DLG2: variants seen among roughly 807,000 people sequenced by gnomAD.
DLG2 encodes discs large MAGUK scaffold protein 2.
In DLG2, 45 loss-of-function variants were observed where a neutral mutation model predicts 132.5. That is an observed-to-expected ratio of 0.34 (90% CI 0.27 to 0.44). DLG2 has a LOEUF of 0.44. Ranked by LOEUF, DLG2 falls within the 20% of genes least tolerant of loss-of-function variation. The pLI, the probability that DLG2 is intolerant of heterozygous loss-of-function variation, is 1.00. For missense variants in DLG2, 1,045 were observed against 1,196.9 expected (o/e 0.87, Z 1.87); for synonymous variants, 424 against 419.6 (o/e 1.01, Z -0.13).
chr11:83,721,046 A>C (rs1482095680), intron 18 of DLG2: 1 of 152,188 alleles, frequency 6.6e-6, no homozygotes, highest in Non-Finnish European at 1.5e-5. Flanking sequence ...GGCCTTTAGC[A>C]TGTGAAACAT....
Position 84,822,167 on chromosome 11 carries a change from T to C in DLG2, c.358-287436A>G, listed in dbSNP as rs185180415. Among the ~76,000 whole-genome samples the C allele has an allele frequency of 1.9e-3, 294 of 151,972 alleles. 1 individual carries two copies. Among genetic ancestry groups the C allele is most frequent in the Middle Eastern group, 6.8e-3 (2 of 294 alleles). On this transcript the variant is annotated intron_variant, in intron 6 of 27. Transcript: ENST00000376104. Reference sequence around the variant, plus strand: ...TTTACCTCTGCACAAGAGCCACATCTAGTCTCTTTGAATGTCCAAAACACT... The same window carrying C: ...TTTACCTCTGCACAAGAGCCACATCCAGTCTCTTTGAATGTCCAAAACACT...
intron 15 of DLG2, among the ~76,000 whole-genome samples, chr11:83,888,766 CA>C (rs1246356365): frequency 6.6e-6 from 1 of 152,116 alleles, no homozygotes; most frequent in Non-Finnish European, 1.5e-5. Context: ...AGATATAGAT[CA>C]ATGGAACAGA....
At chr11:85,079,245 G>T (rs978537668) in intron 6 of DLG2, among the ~76,000 whole-genome samples, 2 of 152,194 alleles carry the variant, frequency 1.3e-5, no homozygotes, top group Non-Finnish European at 2.9e-5. Flanking sequence ...GGAGAACAAG[G>T]TTTTCATTAT....
intron 5 of DLG2, among the ~76,000 whole-genome samples, chr11:85,152,244 ATT>A (rs200542714): frequency 2.1e-5 from 3 of 145,872 alleles, no homozygotes; most frequent in African/African-American, 5.0e-5. Flanking sequence ...TTATTTATTA[ATT>A]TTTTTTTTTT....
rs928877718 is a variant in DLG2, at chr11:85,177,287, ACAC to A, written c.187-22639_187-22637del. 1.6e-4 allele frequency among the ~76,000 whole-genome samples: 17 copies of A among 106,124 alleles called. 1 individual carries two copies. Among genetic ancestry groups the A allele is most frequent in the African/African-American group, 6.9e-4 (16 of 23,354 alleles). The allele number at this position is 106,124 out of a possible 152,430, so 69.6% of individuals were successfully genotyped here. A position where few individuals can be genotyped will look rare whatever the true frequency, so the allele number is the denominator to read the frequency against. ...TTTATATATATATATATATACATATACACACACACACACACACACACATACATA... is the reference window on the plus strand; with the variant it reads ...TTTATATATATATATATATACATATAACACACACACACACACACATACATA... On this transcript the variant is annotated intron_variant, in intron 4 of 27. Transcript: ENST00000376104.
chr11:83,795,947 A>G (rs939328750), intron 17 of DLG2, among the ~76,000 whole-genome samples: 5 of 152,288 alleles, frequency 3.3e-5, no homozygotes, highest in Middle Eastern at 3.4e-3. Flanking sequence ...GCTATTTTCC[A>G]TATCTAGAAC....
At chr11:83,633,959 A>G (rs1207527730) in intron 18 of DLG2, among the ~76,000 whole-genome samples, 2 of 138,282 alleles carry the variant, frequency 1.4e-5, no homozygotes, top group Non-Finnish European at 2.9e-5. Flanking sequence ...AAAGCAAAAA[A>G]CAAAAAACAA....
chr11:85,190,386 G>C (rs184680463), intron 4 of DLG2, among the ~76,000 whole-genome samples: 6 of 151,998 alleles, frequency 3.9e-5, no homozygotes, highest in Admixed American at 2.6e-4. Context: ...GTTTACAGCA[G>C]TGAACACCTA....
At chr11:83,482,810 T>TGA (rs2093231502) in intron 22 of DLG2, among the ~76,000 whole-genome samples, 1 of 152,138 alleles carries the variant, frequency 6.6e-6, no homozygotes, top group African/African-American at 2.4e-5. Context: ...AACCCAATTA[T>TGA]GAGATTTGAC....
chr11:85,068,625 C>A (rs2065295569), intron 6 of DLG2, among the ~76,000 whole-genome samples: 1 of 151,992 alleles, frequency 6.6e-6, no homozygotes, highest in African/African-American at 2.4e-5. Flanking sequence ...AGGAGAACTA[C>A]AAACCACTGC....
chr11:85,483,316 T>G (rs2093343215), intron 3 of DLG2, among the ~76,000 whole-genome samples: 1 of 152,210 alleles, frequency 6.6e-6, no homozygotes, highest in South Asian at 2.1e-4. Flanking sequence ...GTATTCAAAG[T>G]GCTGAAGTGT....
At chr11:84,560,530 G>A (rs145776922) in intron 6 of DLG2, among the ~76,000 whole-genome samples, 74 of 152,150 alleles carry the variant, frequency 4.9e-4, no homozygotes, top group African/African-American at 1.1e-3. Context: ...CTGAATGTGC[G>A]CCTCTAATAA....
At chr11:85,396,967 A>G (rs2087447307) in intron 3 of DLG2, among the ~76,000 whole-genome samples, 1 of 152,164 alleles carries the variant, frequency 6.6e-6, no homozygotes, top group Admixed American at 6.5e-5. Flanking sequence ...ACCCCAAGAC[A>G]TATAATTGTC....
chr11:84,851,728 T>C (rs1260287841), intron 6 of DLG2, among the ~76,000 whole-genome samples: 1 of 152,014 alleles, frequency 6.6e-6, no homozygotes, highest in East Asian at 1.9e-4. Context: ...CACACATATA[T>C]ATTTTTTAAA....
At chr11:83,907,298 A>C (rs2075186648) in intron 15 of DLG2, among the ~76,000 whole-genome samples, 1 of 152,226 alleles carries the variant, frequency 6.6e-6, no homozygotes, top group Admixed American at 6.5e-5. Context: ...AATAGGAATA[A>C]AACAGCACAG....
chr11:83,846,725 G>A (rs116262066), intron 16 of DLG2, among the ~76,000 whole-genome samples: 1,714 of 151,954 alleles, frequency 0.011, 32 homozygotes, highest in African/African-American at 0.039. Context: ...TTTTCTTCTC[G>A]CAACATAAAT....
chr11:85,247,070 CCT>C (rs895052783), intron 4 of DLG2, among the ~76,000 whole-genome samples: 5 of 151,934 alleles, frequency 3.3e-5, no homozygotes, highest in African/African-American at 9.6e-5. Flanking sequence ...ATGTTCAAAT[CCT>C]CTGTTTTCTT....
intron 18 of DLG2, among the ~76,000 whole-genome samples, chr11:83,716,680 T>C (rs2153673382): frequency 6.6e-6 from 1 of 152,374 alleles, no homozygotes; most frequent in Admixed American, 6.5e-5. Flanking sequence ...GATTTCCTTT[T>C]GATCACATAA....
chr11:84,292,813 G>C lies in DLG2; in HGVS notation c.520-41522C>G, dbSNP rs960064245. 9.2e-5 allele frequency among the ~76,000 whole-genome samples: 14 copies of C among 152,170 alleles called. No individual in the cohort carries two copies. The East Asian group carries it at 2.7e-3, about 29-fold the overall frequency. On this transcript the variant is annotated intron_variant, in intron 7 of 27. Transcript: ENST00000376104. ...GGAGATAAATTAGATGTAAAGGCAG[G>C]GGGGTCCAATCCTTGGCTTCCCTGG...
Sources: allele counts gnomAD v4.1 joint callset (sites outside exome capture counted in the v4.1 genomes callset), GRCh38; gene constraint gnomAD v4.1.1; transcripts MANE v1.5; gene names NCBI Gene and HGNC (gene_info 2026-07-23, HGNC 2026-07-21).